Variants in MADD observed in about 807,000 individuals in gnomAD.
The protein encoded by MADD is MAP kinase-activating death domain protein.
A neutral mutation model predicts 176.7 loss-of-function variants in MADD; 109 were observed. The observed-to-expected ratio is 0.62, with a 90% CI of 0.53 to 0.72. The LOEUF is 0.72. Among genes scored for constraint, MADD ranks in the 30% least tolerant of loss-of-function variants. The pLI, the probability that MADD is intolerant of heterozygous loss-of-function variation, is 0.00. For synonymous variants in MADD, 771 were observed against 771.3 expected, an observed-to-expected ratio of 1.00 and a Z score of 0.01; for missense variants, 1,914 against 2,045.5, an observed-to-expected ratio of 0.94 and a Z score of 1.24.
intron 22 of MADD, among the ~76,000 whole-genome samples, chr11:47,300,497 C>T (rs548153349): frequency 4.7e-5 from 7 of 150,150 alleles, no homozygotes; most frequent in East Asian, 2.0e-4. Context: ...TGAGCCACTG[C>T]GCCCAGCTTT....
chr11:47,328,360 C>T, intron 31 of MADD: 31 of 1,322,532 alleles, frequency 2.3e-5, no homozygotes, highest in Non-Finnish European at 2.9e-5. Context: ...GGTGAAAGGC[C>T]CGTCCCTCCC....
chr11:47,292,511 T>C (rs199751657), intron 19 of MADD, 32 bp from the exon 21 acceptor site: 2 of 1,609,408 alleles, frequency 1.2e-6, no homozygotes, highest in East Asian at 2.2e-5. Context: ...ACTTTCTGTC[T>C]TTCTCTCCTG....
chr11:47,323,867 G>A (rs2094964108), intron 28 of MADD, 32 bp downstream of exon 31: 1 of 1,605,744 alleles, frequency 6.2e-7, no homozygotes, highest in Non-Finnish European at 8.5e-7. Flanking sequence ...GTTGGGGCTA[G>A]TAGGCATTGA....
At chr11:47,279,221 G>T in intron 7 of MADD, 142 bp downstream of exon 7, 1 of 701,194 alleles carries the variant, frequency 1.4e-6, no homozygotes. Context: ...AAGAAAACGC[G>T]TATCCCATTT....
At chr11:47,290,417 C>G (rs142373489) in intron 18 of MADD, 118 bp downstream of exon 19, 100 of 1,392,500 alleles carry the variant, frequency 7.2e-5, no homozygotes, top group Non-Finnish European at 9.0e-5. Context: ...TCCCATTAGG[C>G]TTTGGGATTT....
intron 27 of MADD, among the ~76,000 whole-genome samples, chr11:47,319,185 G>A (rs1382668548): frequency 6.8e-6 from 1 of 146,872 alleles, no homozygotes; most frequent in Non-Finnish European, 1.5e-5. Flanking sequence ...AGGCTGGAGT[G>A]CAGTGGCACA....
chr11:47,326,585 G>C, intron 30 of MADD, 33 bp downstream of exon 34: 1 of 1,428,098 alleles, frequency 7.0e-7, no homozygotes, highest in Non-Finnish European at 9.2e-7. Context: ...TCGCTTCTTA[G>C]CGCTTTTGAG....
chr11:47,319,331 C>T (rs1407817380), intron 27 of MADD, among the ~76,000 whole-genome samples: 1 of 151,826 alleles, frequency 6.6e-6, no homozygotes, highest in Non-Finnish European at 1.5e-5. Context: ...TGGGGTTTTG[C>T]CATGTTGGCC....
At chr11:47,271,960 ACC>A (rs1964747894) in intron 1 of MADD, 3 of 152,178 alleles carry the variant, frequency 2.0e-5, no homozygotes, top group Non-Finnish European at 2.9e-5. Context: ...CAGTGGTGAT[ACC>A]TAGAAATGAA....
intron 31 of MADD, chr11:47,327,543 G>A: frequency 4.1e-6 from 4 of 985,370 alleles, no homozygotes; most frequent in Non-Finnish European, 4.8e-6. Context: ...CACACTGCCA[G>A]CTCGTCTCTT....
rs1406301224 is a variant in MADD at position 47,290,147 on chromosome 11, A to G, written c.2944-2A>G. 4.3e-6 allele frequency: 7 copies of G among 1,613,812 alleles called. No individual in the cohort carries two copies. Among genetic ancestry groups the G allele is most frequent in the Non-Finnish European group, 5.9e-6 (7 of 1,179,842 alleles). On this transcript the variant is annotated splice_acceptor_variant, in intron 17 of 32. Transcript: ENST00000402192. LOFTEE classifies it high-confidence loss of function. The stretch of plus-strand genomic sequence containing the variant: ...ACGCTAGCCCCTGGGTTATTGTTGC[A>G]GGAGATCAGTCGGAAGGTGTACAAG...
At position 47,292,616 on chromosome 11, in the gene MADD, TC is replaced by T. The variant is rs1402291337; in HGVS notation, c.3302-1265del. On this transcript the variant is annotated intron_variant, in intron 19 of 32. Coordinates refer to ENST00000402192, the Ensembl canonical transcript of MADD. ...AACAGAGTAAGGAACAAATGCCCTT[TC>T]CTGTTCCCAAGTCCTCCATACCTGC... is the stretch of plus-strand genomic sequence containing the variant. The T allele has an allele frequency of 6.2e-7, 1 of 1,613,746 alleles. No individual in the cohort carries two copies. Among genetic ancestry groups the T allele is most frequent in the Non-Finnish European group, 8.5e-7 (1 of 1,179,774 alleles).
At chr11:47,313,818 G>A (rs558902688) in intron 26 of MADD, among the ~76,000 whole-genome samples, 33 of 151,914 alleles carry the variant, frequency 2.2e-4, no homozygotes, top group African/African-American at 7.5e-4. Context: ...GGAGTGCAGC[G>A]GCGCGATCTC....
Position 47,284,935 on chromosome 11 carries a change from C to G in MADD, c.2158-6C>G, listed in dbSNP as rs1457546396. 1.2e-6 allele frequency: 2 copies of G among 1,613,330 alleles called. No homozygotes were observed. The highest frequency in any genetic ancestry group is 2.2e-5 in the South Asian group (2 of 91,086). ...GTAACCACTTTTAATTTCATGCGGC[C>G]TTTAGGAACCTGCTGACTCTACGGA... is the stretch of plus-strand genomic sequence containing the variant. On this transcript the variant is annotated splice_polypyrimidine_tract_variant and splice_region_variant and intron_variant, in intron 12 of 32. Coordinates refer to ENST00000402192, the Ensembl canonical transcript of MADD.
chr11:47,295,899 G>A, exon 22 of MADD: 1 of 1,610,800 alleles, frequency 6.2e-7, no homozygotes, highest in African/African-American at 1.3e-5. Flanking sequence ...CTTTCCAGGT[G>A]AGTAATAGCT....
chr11:47,275,953 T>C (rs1400678882), exon 4 of MADD: 7 of 1,613,918 alleles, frequency 4.3e-6, no homozygotes, highest in Non-Finnish European at 5.9e-6. Flanking sequence ...AGAAGTCAAG[T>C]GCCCTTCTGC....
intron 26 of MADD, among the ~76,000 whole-genome samples, chr11:47,312,058 G>A (rs1159650266): frequency 6.6e-6 from 1 of 152,138 alleles, no homozygotes; most frequent in East Asian, 1.9e-4. Flanking sequence ...GGGTTCAGAA[G>A]GTGAAAACGA....
At chr11:47,276,566 C>T (rs2050085600) in intron 4 of MADD, 166 bp from the exon 5 acceptor site, 2 of 731,222 alleles carry the variant, frequency 2.7e-6, no homozygotes, top group African/African-American at 3.5e-5. Context: ...CACCATTGTG[C>T]CTGGATTGGG....
At chr11:47,275,360 C>T (rs896819288) in intron 3 of MADD, among the ~76,000 whole-genome samples, 15 of 152,202 alleles carry the variant, frequency 9.9e-5, no homozygotes, top group African/African-American at 1.9e-4. Context: ...GGTGCGATCT[C>T]GGCTCACTGC....
Sources: allele counts gnomAD v4.1 joint callset (sites outside exome capture counted in the v4.1 genomes callset), GRCh38; gene constraint gnomAD v4.1.1; transcripts MANE v1.5; gene names NCBI Gene and HGNC (gene_info 2026-07-23, HGNC 2026-07-21).